KCTD3: variants seen among roughly 807,000 people sequenced by gnomAD.
KCTD3 encodes the protein potassium channel tetramerization domain containing 3, also known as BTB/POZ domain-containing protein KCTD3.
In KCTD3, 41 loss-of-function variants were observed where a neutral mutation model predicts 85.8. That is an observed-to-expected ratio of 0.48 (90% confidence interval 0.37 to 0.62). The LOEUF is 0.62. Ranked by LOEUF, KCTD3 falls within the 20% of genes least tolerant of loss-of-function variation. The probability of loss-of-function intolerance (pLI) is 0.00; values close to 1 mark genes in which losing one functional copy is unlikely to be tolerated. For missense variants in KCTD3, 724 were observed against 989.9 expected (o/e 0.73, Z 3.60); for synonymous variants, 338 against 345.4 (o/e 0.98, Z 0.24).
intron 10 of KCTD3, among the ~76,000 whole-genome samples, chr1:215,596,755 G>GA (rs1257102087): frequency 1.3e-5 from 2 of 151,792 alleles, no homozygotes; most frequent in Admixed American, 6.6e-5. Context: ...AGGCTGGTTT[G>GA]AAAAAAAAGA....
At chr1:215,612,565 G>A (rs1293935324) in intron 15 of KCTD3, among the ~76,000 whole-genome samples, 2 of 152,056 alleles carry the variant, frequency 1.3e-5, no homozygotes, top group Non-Finnish European at 2.9e-5. Flanking sequence ...GTATTCCTCT[G>A]CTTTTGTCTT....
chr1:215,598,289 C>T (rs1408826366), intron 10 of KCTD3, among the ~76,000 whole-genome samples: 1 of 152,010 alleles, frequency 6.6e-6, no homozygotes, highest in Non-Finnish European at 1.5e-5. Context: ...TGTTTGGTGT[C>T]TTGGAATGGG....
intron 1 of KCTD3, among the ~76,000 whole-genome samples, chr1:215,568,195 T>C (rs1474355160): frequency 6.6e-6 from 1 of 152,174 alleles, no homozygotes; most frequent in Non-Finnish European, 1.5e-5. Context: ...CAACGAGGTG[T>C]CGGTTTTCTT....
chr1:215,604,213 T>C lies in KCTD3; in HGVS notation c.1220T>C (p.Val407Ala), dbSNP rs145110049. 2.5e-6 allele frequency: 4 copies of C among 1,613,424 alleles called. No homozygotes were observed. Among genetic ancestry groups the C allele is most frequent in the African/African-American group, 1.3e-5 (1 of 74,856 alleles). ...GTGATTGTACAACACCCAGAGACAG[T>C]TGGGTCAGGTCCTCAGCTTTTTCAG... ...VRVIVQHPET[V>A]GSGPQLFQTF... Residue 407 changes from valine (V) to alanine (A), a missense_variant, in exon 13 of 18, where the codon GTT (valine) becomes GCT (alanine). Around this residue, in one of 6 missense-constraint regions of KCTD3, gnomAD observed 146 missense variants for 320.3 expected, o/e 0.46. Transcript: ENST00000259154.
In KCTD3 at chr1:215,577,671, G is replaced by C; in HGVS notation, c.259G>C (p.Gly87Arg). ...TTTACATCATTTGTTTCTTTGTAGG[G>C]GAGTGAGTATTAATGTTCTCAGGCA... ...FLRTKELDLR[G>R]VSINVLRHEA... Residue 87 changes from glycine (G) to arginine (R), a missense_variant and splice_region_variant, in exon 5 of 18, where the codon GGA becomes CGA. Gly to Arg is a moderately radical substitution (Grantham distance 125, BLOSUM62 -2). Around this residue, in one of 6 missense-constraint regions of KCTD3, gnomAD observed 97 missense variants for 115.7 expected, o/e 0.84. Transcript: ENST00000259154. 6.3e-7 allele frequency: 1 copy of C among 1,581,272 alleles called. No homozygotes were observed. Among genetic ancestry groups the C allele is most frequent in the Non-Finnish European group, 8.7e-7 (1 of 1,150,358 alleles).
At chr1:215,595,540 T>C in intron 10 of KCTD3, 69 bp downstream of exon 10, 1 of 978,320 alleles carries the variant, frequency 1.0e-6, no homozygotes, top group East Asian at 2.4e-5. Flanking sequence ...ATTTTTTTTT[T>C]CCTTGTAGAA....
At chr1:215,597,178 A>C (rs1654610582) in intron 10 of KCTD3, among the ~76,000 whole-genome samples, 1 of 152,096 alleles carries the variant, frequency 6.6e-6, no homozygotes, top group Non-Finnish European at 1.5e-5. Context: ...TTTCAATAAA[A>C]TATTAATGAA....
In KCTD3 at chr1:215,613,278, T is replaced by C. The variant is rs184374228; in HGVS notation, c.1562+1357T>C. 9.2e-5 allele frequency among the ~76,000 whole-genome samples: 14 copies of C among 152,324 alleles called. No individual in the cohort carries two copies. In the East Asian group the frequency reaches 2.7e-3, roughly 29 times the overall value. On this transcript the variant is annotated intron_variant, in intron 15 of 17. Coordinates refer to ENST00000259154, the MANE Select transcript of KCTD3 (RefSeq NM_016121.5). ...TTGCTCTTTTGCCAGGCTAGAGTGCTGTGGTGTGATCTCAGCTCACTGCAA... is the reference window on the plus strand; with the variant it reads ...TTGCTCTTTTGCCAGGCTAGAGTGCCGTGGTGTGATCTCAGCTCACTGCAA...
At chr1:215,575,121 A>G (rs926882808) in intron 3 of KCTD3, among the ~76,000 whole-genome samples, 3 of 152,078 alleles carry the variant, frequency 2.0e-5, no homozygotes, top group African/African-American at 7.2e-5. Context: ...GCATAGTGGC[A>G]GGTGCCTCTA....
intron 15 of KCTD3, among the ~76,000 whole-genome samples, chr1:215,612,468 G>A (rs1045841937): frequency 2.0e-5 from 3 of 151,888 alleles, no homozygotes; most frequent in Admixed American, 1.3e-4. Context: ...GTCTGTCTCC[G>A]TGAGAGTAGG....
intron 13 of KCTD3, among the ~76,000 whole-genome samples, chr1:215,605,710 T>C (rs1168898897): frequency 6.6e-6 from 1 of 152,176 alleles, no homozygotes; most frequent in African/African-American, 2.4e-5. Flanking sequence ...TATCACCATC[T>C]ACTTATCTAC....
At chr1:215,607,553 T>C (rs1031507941) in intron 13 of KCTD3, among the ~76,000 whole-genome samples, 1 of 152,028 alleles carries the variant, frequency 6.6e-6, no homozygotes, top group African/African-American at 2.4e-5. Context: ...TGGCAATAAA[T>C]AGCTGATTGC....
At position 215,620,600 on chromosome 1, in the gene KCTD3, T is replaced by G; in HGVS notation, c.2430T>G (p.Gly810=). 1 of 1,601,590 alleles carries G rather than the reference T, an allele frequency of 6.2e-7. No homozygotes were observed. Among genetic ancestry groups the G allele is most frequent in the Non-Finnish European group, 8.5e-7 (1 of 1,174,880 alleles). ...SPRHKKSDSS[G]QEYSL ...GGCATAAAAAAAGTGATTCTTCAGGTCAGGAGTACAGCTTGTGAAAACTCA... is the reference window on the plus strand; with the variant it reads ...GGCATAAAAAAAGTGATTCTTCAGGGCAGGAGTACAGCTTGTGAAAACTCA... The change falls in exon 18 of 18, where the codon GGT becomes GGG. Residue 810 remains glycine (G), a synonymous_variant. Transcript: ENST00000259154.
intron 8 of KCTD3, among the ~76,000 whole-genome samples, chr1:215,580,294 G>A (rs1446315089): frequency 6.6e-6 from 1 of 152,128 alleles, no homozygotes; most frequent in Non-Finnish European, 1.5e-5. Context: ...TAGCTTCTGA[G>A]ACTGTAGTAT....
rs200120296 is a variant in KCTD3 at position 215,620,613 on chromosome 1, T to G, written c.2443T>G (p.Leu815Val). ...TGATTCTTCAGGTCAGGAGTACAGC[T>G]TGTGAAAACTCACCAAAATGAATAG... The part of the protein sequence containing the change: ...KSDSSGQEYS[L>V] Residue 815 changes from leucine (L) to valine (V), a missense_variant, in exon 18 of 18, where the codon TTG (leucine) becomes GTG (valine). Physicochemically the swap from Leu to Val is conservative, Grantham distance 32. Around this residue, in one of 6 missense-constraint regions of KCTD3, gnomAD observed 222 missense variants for 217.7 expected, o/e 1.02. Transcript: ENST00000259154. 1.3e-6 allele frequency: 2 copies of G among 1,565,144 alleles called. No individual in the cohort carries two copies. The highest frequency in any genetic ancestry group is 1.4e-5 in the African/African-American group (1 of 73,032).
intron 8 of KCTD3, among the ~76,000 whole-genome samples, chr1:215,583,653 C>T (rs1659907638): frequency 6.6e-6 from 1 of 152,140 alleles, no homozygotes; most frequent in Non-Finnish European, 1.5e-5. Flanking sequence ...GGTTTGAACA[C>T]CTCTGACATG....
At chr1:215,606,588 T>A (rs1209963619) in intron 13 of KCTD3, among the ~76,000 whole-genome samples, 1 of 152,118 alleles carries the variant, frequency 6.6e-6, no homozygotes, top group Admixed American at 6.6e-5. Flanking sequence ...TAATAATTGC[T>A]ATTATTTTGG....
intron 8 of KCTD3, chr1:215,580,990 G>A (rs915076812): frequency 6.2e-5 from 29 of 464,152 alleles, no homozygotes; most frequent in Non-Finnish European, 1.0e-4. Context: ...GGCTGGGCAC[G>A]GTGGGTCACG....
intron 15 of KCTD3, among the ~76,000 whole-genome samples, chr1:215,616,711 G>A (rs565221452): frequency 2.0e-5 from 3 of 152,272 alleles, no homozygotes; most frequent in East Asian, 1.9e-4. Flanking sequence ...AGTGAGCCGA[G>A]ATCACGCCAT....
Sources: gnomAD v4.1 joint callset for allele counts (sites outside exome capture counted in the v4.1 genomes callset) on GRCh38, gnomAD v4.1.1 for gene constraint, gnomAD v4.1.1 regional missense constraint, MANE v1.5 for transcripts, NCBI Gene and HGNC (gene_info 2026-07-23, HGNC 2026-07-21) for gene names.